The following IGF2BP2 variants were observed in gnomAD, a reference collection of about 807,000 sequenced individuals.
IGF2BP2 encodes insulin-like growth factor 2 mRNA-binding protein 2.
In IGF2BP2, 17 loss-of-function variants were observed where a neutral mutation model predicts 75.8. The ratio of observed to expected loss-of-function variants is 0.22; its 90% confidence interval spans 0.15 to 0.34. IGF2BP2 has a LOEUF of 0.34. Among genes scored for constraint, IGF2BP2 ranks in the 10% least tolerant of loss-of-function variants. The pLI is 1.00. For synonymous variants in IGF2BP2, 288 were observed against 295.6 expected, an observed-to-expected ratio of 0.97 and a Z score of 0.26; for missense variants, 516 against 772.4, an observed-to-expected ratio of 0.67 and a Z score of 3.93.
At chr3:185,658,830 G>A (rs1434126106) in intron 10 of IGF2BP2, among the ~76,000 whole-genome samples, 1 of 152,184 alleles carries the variant, frequency 6.6e-6, no homozygotes, top group East Asian at 1.9e-4. Context: ...AAAAAGAACA[G>A]AGTGTGCTGG....
Position 185,713,088 on chromosome 3 carries a change from GTGTGTGTGTGTGTGCAAGAGACATATA to G in IGF2BP2, c.240-14768_240-14742del, listed in dbSNP as rs1213796753. On this transcript the variant is annotated intron_variant, in intron 2 of 15. Coordinates refer to ENST00000382199, the MANE Select transcript of IGF2BP2 (RefSeq NM_006548.6). ...TACAGATATGTATGTGTGTGTGTGT[GTGTGTGTGTGTGTGCAAGAGACATATA>G]TGTGTGTGTGTGTGTCTTGGTGTAA... 2.0e-5 allele frequency among the ~76,000 whole-genome samples: 3 copies of G among 151,822 alleles called. No individual in the cohort carries two copies. The East Asian group carries it at 5.8e-4, about 29-fold the overall frequency.
intron 2 of IGF2BP2, among the ~76,000 whole-genome samples, chr3:185,714,382 T>C (rs1325225492): frequency 6.6e-6 from 1 of 152,224 alleles, no homozygotes; most frequent in African/African-American, 2.4e-5. Context: ...ATCTATCATC[T>C]AGCTATCCAT....
At chr3:185,771,053 C>T (rs1043022759) in intron 2 of IGF2BP2, among the ~76,000 whole-genome samples, 4 of 152,246 alleles carry the variant, frequency 2.6e-5, no homozygotes, top group South Asian at 2.1e-4. Context: ...ACCCAGCAAA[C>T]GGCTTTTAAA....
At chr3:185,821,102 A>G in intron 2 of IGF2BP2, 1 of 1,530,160 alleles carries the variant, frequency 6.5e-7, no homozygotes, top group Non-Finnish European at 8.7e-7. Context: ...AGTACACAAT[A>G]CCGGTCATTA....
At chr3:185,794,070 G>A (rs944307760) in intron 2 of IGF2BP2, among the ~76,000 whole-genome samples, 2 of 145,850 alleles carry the variant, frequency 1.4e-5, no homozygotes, top group Non-Finnish European at 3.0e-5. Context: ...CAATCCTCCC[G>A]CCTCAGCCTC....
chr3:185,657,519 A>C lies in IGF2BP2; in HGVS notation c.1270-117T>G, dbSNP rs1715648362. On this transcript the variant is annotated intron_variant, in intron 11 of 15. Transcript: ENST00000382199. ...CATGGTGGGAAGGCCCCGCCACCCA[A>C]GGAAATGGCCAAAATGGTGCACAGG... is the stretch of plus-strand genomic sequence containing the variant. 5 of 730,740 alleles carry C rather than the reference A, an allele frequency of 6.8e-6. No homozygotes were observed. The East Asian group carries it at 1.0e-4, about 15-fold the overall frequency. 45.3% of individuals were successfully genotyped at this position (730,740 alleles called of 1,614,324 possible).
chr3:185,704,418 TCA>T (rs1723725491), intron 2 of IGF2BP2, among the ~76,000 whole-genome samples: 1 of 152,124 alleles, frequency 6.6e-6, no homozygotes, highest in Non-Finnish European at 1.5e-5. Flanking sequence ...AGCAAATAAA[TCA>T]CCAGTGATAG....
intron 8 of IGF2BP2, 98 bp from the exon 9 acceptor site, chr3:185,675,529 GAA>G: frequency 4.3e-6 from 6 of 1,402,784 alleles, no homozygotes; most frequent in Non-Finnish European, 5.9e-6. Flanking sequence ...CGGAGAGAGA[GAA>G]GACTCAATTC....
intron 2 of IGF2BP2, among the ~76,000 whole-genome samples, chr3:185,772,458 C>T (rs1734004209): frequency 6.6e-6 from 1 of 152,052 alleles, no homozygotes; most frequent in Non-Finnish European, 1.5e-5. Flanking sequence ...CTCATCTCTC[C>T]TTCACAAGTT....
chr3:185,657,125 A>T (rs1250721086), intron 12 of IGF2BP2, among the ~76,000 whole-genome samples, 161 bp downstream of exon 12: 1 of 152,206 alleles, frequency 6.6e-6, no homozygotes, highest in Non-Finnish European at 1.5e-5. Context: ...AAGAAAAGGA[A>T]AGATGAGAGC....
intron 2 of IGF2BP2, among the ~76,000 whole-genome samples, chr3:185,722,853 T>A (rs1036778186): frequency 1.3e-5 from 2 of 152,168 alleles, no homozygotes; most frequent in African/African-American, 4.8e-5. Flanking sequence ...AACATATAAA[T>A]GCACAAATGA....
At chr3:185,674,654 G>A (rs1197533181) in intron 9 of IGF2BP2, among the ~76,000 whole-genome samples, 1 of 152,116 alleles carries the variant, frequency 6.6e-6, no homozygotes, top group East Asian at 1.9e-4. Flanking sequence ...TTTAAAGCAT[G>A]CATTTTTAAA....
At chr3:185,790,100 C>T (rs990519039) in intron 2 of IGF2BP2, among the ~76,000 whole-genome samples, 2 of 152,086 alleles carry the variant, frequency 1.3e-5, no homozygotes, top group Non-Finnish European at 2.9e-5. Flanking sequence ...TGCATCATCC[C>T]AGAAGTAGGC....
intron 2 of IGF2BP2, among the ~76,000 whole-genome samples, chr3:185,734,676 A>G (rs547149227): frequency 6.6e-6 from 1 of 152,358 alleles, no homozygotes; most frequent in South Asian, 2.1e-4. Flanking sequence ...GTGGAAAAAA[A>G]TAATTTTAAT....
At chr3:185,677,054 T>TATATAC (rs1719587297) in intron 7 of IGF2BP2, among the ~76,000 whole-genome samples, 1 of 55,496 alleles carries the variant, frequency 1.8e-5, no homozygotes, top group Non-Finnish European at 3.4e-5. Context: ...GATATATATA[T>TATATAC]ATATATATAT....
At chr3:185,716,177 A>C (rs952063174) in intron 2 of IGF2BP2, among the ~76,000 whole-genome samples, 3 of 151,970 alleles carry the variant, frequency 2.0e-5, no homozygotes, top group Non-Finnish European at 4.4e-5. Context: ...AAAAAAAAAA[A>C]CACCAGAACT....
intron 10 of IGF2BP2, among the ~76,000 whole-genome samples, chr3:185,671,569 G>T (rs1718520275): frequency 6.6e-6 from 1 of 150,764 alleles, no homozygotes; most frequent in Non-Finnish European, 1.5e-5. Flanking sequence ...AAAAAGAAAA[G>T]ATTCAGAAGA....
At chr3:185,820,900 T>C (rs1741292419) in intron 2 of IGF2BP2, 1 of 1,088,808 alleles carries the variant, frequency 9.2e-7, no homozygotes, top group Non-Finnish European at 1.3e-6. Flanking sequence ...TAGAATTGAC[T>C]TAACACTGCC....
intron 7 of IGF2BP2, among the ~76,000 whole-genome samples, chr3:185,684,468 G>A (rs1034121179): frequency 6.6e-6 from 1 of 151,590 alleles, no homozygotes; most frequent in Non-Finnish European, 1.5e-5. Flanking sequence ...GCAGTGGCGC[G>A]ATCTCGGCTC....
Sources: allele counts gnomAD v4.1 joint callset (sites outside exome capture counted in the v4.1 genomes callset), GRCh38; gene constraint gnomAD v4.1.1; transcripts MANE v1.5; gene names NCBI Gene and HGNC (gene_info 2026-07-23, HGNC 2026-07-21).